The following GRIA3 variants were observed in gnomAD, a reference collection of about 807,000 sequenced individuals.
The protein encoded by GRIA3 is glutamate receptor 3.
GRIA3 carries 3 observed loss-of-function variants against 63.0 expected under a neutral mutation model. The observed-to-expected ratio is 0.05, with a 90% CI of 0.02 to 0.12. GRIA3 has a LOEUF of 0.12. Ranked by LOEUF, GRIA3 falls within the 10% of genes least tolerant of loss-of-function variation. GRIA3 has a pLI of 1.00. For missense variants in GRIA3, 347 were observed against 700.9 expected, an observed-to-expected ratio of 0.50 and a Z score of 5.70; for synonymous variants, 274 against 257.9, an observed-to-expected ratio of 1.06 and a Z score of -0.60.
intron 9 of GRIA3, among the ~76,000 whole-genome samples, chrX:123,404,409 T>C (rs191265321): frequency 9.1e-6 from 1 of 109,860 alleles, no homozygotes. Flanking sequence ...TCTGCCAAAT[T>C]TGATGAAATC....
chrX:123,353,233 A>G (rs982549171), intron 4 of GRIA3, among the ~76,000 whole-genome samples: 1 of 111,912 alleles, frequency 8.9e-6, no homozygotes, highest in African/African-American at 3.2e-5. Flanking sequence ...CTCTTGTCCA[A>G]GACTTTATAG....
chrX:123,483,111 C>A, intron 15 of GRIA3, 65 bp downstream of exon 15: 7 of 741,835 alleles, frequency 9.4e-6, no homozygotes, highest in Non-Finnish European at 1.4e-5. Context: ...TTTTTTTCTT[C>A]TTTTTTTTTT....
At chrX:123,187,394 TGACA>T (rs1229229915) in intron 2 of GRIA3, among the ~76,000 whole-genome samples, 4 of 112,454 alleles carry the variant, frequency 3.6e-5, no homozygotes, top group Non-Finnish European at 7.5e-5. Flanking sequence ...TTTGGCTTTC[TGACA>T]TTGACAAAAA....
chrX:123,237,727 G>A (rs1018346419), intron 2 of GRIA3, among the ~76,000 whole-genome samples: 4 of 112,405 alleles, frequency 3.6e-5, no homozygotes. Flanking sequence ...ATACATGACT[G>A]AGCAGCAAAG....
At chrX:123,340,748 C>T in intron 4 of GRIA3, among the ~76,000 whole-genome samples, 1 of 112,180 alleles carries the variant, frequency 8.9e-6, no homozygotes, top group Non-Finnish European at 1.9e-5. Context: ...ATGCATTCCA[C>T]TTTGTGGATT....
chrX:123,261,276 A>T (rs980179630), intron 3 of GRIA3, among the ~76,000 whole-genome samples: 2 of 111,481 alleles, frequency 1.8e-5, no homozygotes, highest in African/African-American at 6.5e-5. Flanking sequence ...AATGCTGCAG[A>T]TTAGGCTGCA....
chrX:123,427,780 C>T (rs2045598157), intron 11 of GRIA3, among the ~76,000 whole-genome samples, 161 bp from the exon 12 acceptor site: 1 of 111,518 alleles, frequency 9.0e-6, no homozygotes, highest in Admixed American at 9.5e-5. Flanking sequence ...TTGTTGTTAA[C>T]ATGTGACCTT....
chrX:123,466,083 G>A (rs2045831787), intron 13 of GRIA3, among the ~76,000 whole-genome samples: 1 of 111,793 alleles, frequency 8.9e-6, no homozygotes, highest in African/African-American at 3.3e-5. Context: ...CAATGCCCTA[G>A]GCTTTCAAGA....
chrX:123,293,566 T>G (rs1165806530), intron 3 of GRIA3, among the ~76,000 whole-genome samples: 1 of 109,256 alleles, frequency 9.2e-6, no homozygotes, highest in African/African-American at 3.3e-5. Flanking sequence ...TTAGAATTCA[T>G]GGGTGGGGAG....
intron 9 of GRIA3, 152 bp from the exon 10 acceptor site, chrX:123,404,556 C>T: frequency 7.1e-6 from 3 of 421,549 alleles, no homozygotes; most frequent in Non-Finnish European, 1.2e-5. Flanking sequence ...AATGAATACT[C>T]AATTAAAGCT....
chrX:123,466,447 T>TA (rs762485642), intron 13 of GRIA3, among the ~76,000 whole-genome samples: 24 of 112,054 alleles, frequency 2.1e-4, no homozygotes, highest in Non-Finnish European at 3.8e-4. Flanking sequence ...TGTGATACTA[T>TA]ATGTGTGTAT....
At chrX:123,206,228 T>C (rs1927883753) in intron 2 of GRIA3, among the ~76,000 whole-genome samples, 1 of 112,106 alleles carries the variant, frequency 8.9e-6, no homozygotes, top group South Asian at 3.8e-4. Context: ...TGCCATCCTA[T>C]TGGCCTGCTG....
chrX:123,271,277 T>A lies in GRIA3; in HGVS notation c.508+17735T>A, dbSNP rs1013712133. On this transcript the variant is annotated intron_variant, in intron 3 of 15. Coordinates refer to ENST00000620443, the MANE Select transcript of GRIA3 (RefSeq NM_007325.5). The stretch of plus-strand genomic sequence containing the variant: ...CTGAAATGGAAGACCATTCAGTTAT[T>A]CTAATTAATATTATTCAAAAGGTAA... 2.7e-5 allele frequency among the ~76,000 whole-genome samples: 3 copies of A among 112,406 alleles called. No homozygotes were observed. The Admixed American group carries it at 2.8e-4, about 11-fold the overall frequency.
chrX:123,485,852 T>C (rs1316635094), intron 15 of GRIA3, among the ~76,000 whole-genome samples: 1 of 111,118 alleles, frequency 9.0e-6, no homozygotes, highest in Non-Finnish European at 1.9e-5. Context: ...ATGCAACTCA[T>C]GTGGGAACCT....
At chrX:123,307,109 C>A (rs2044759730) in intron 3 of GRIA3, among the ~76,000 whole-genome samples, 1 of 111,909 alleles carries the variant, frequency 8.9e-6, no homozygotes, top group South Asian at 3.8e-4. Flanking sequence ...AGGAGACTGT[C>A]AGGCTCTAGG....
intron 5 of GRIA3, among the ~76,000 whole-genome samples, chrX:123,361,627 G>T (rs982434285): frequency 9.0e-5 from 10 of 111,522 alleles, no homozygotes; most frequent in African/African-American, 2.9e-4. Flanking sequence ...GCTTAAAGTT[G>T]CGAACTCTGA....
intron 13 of GRIA3, chrX:123,465,846 GTTATC>G: frequency 4.9e-6 from 4 of 808,900 alleles, no homozygotes. Flanking sequence ...CGGCAAGACT[GTTATC>G]TTATTATTGA....
intron 2 of GRIA3, chrX:123,202,769 C>T (rs1217821443): frequency 8.6e-7 from 1 of 1,165,541 alleles, no homozygotes; most frequent in Non-Finnish European, 1.1e-6. Context: ...AAAACTGGGC[C>T]TATTGTATCT....
At chrX:123,266,134 T>A (rs2044486804) in intron 3 of GRIA3, among the ~76,000 whole-genome samples, 1 of 112,136 alleles carries the variant, frequency 8.9e-6, no homozygotes, top group African/African-American at 3.2e-5. Flanking sequence ...ATGATATGAA[T>A]TTCTAGGATA....
Sources: allele counts gnomAD v4.1 joint callset (sites outside exome capture counted in the v4.1 genomes callset), GRCh38; gene constraint gnomAD v4.1.1; transcripts MANE v1.5; gene names NCBI Gene and HGNC (gene_info 2026-07-23, HGNC 2026-07-21).